The following HELZ variants were observed in gnomAD, a reference collection of about 807,000 sequenced individuals.
HELZ encodes helicase with zinc finger, also known as ATP-dependent RNA helicase with zinc finger domain.
Under a neutral mutation model 218.2 loss-of-function variants are expected in HELZ, and 23 were observed. The ratio of observed to expected loss-of-function variants is 0.11; its 90% CI spans 0.08 to 0.15. HELZ has a LOEUF of 0.15. Ranked by LOEUF, HELZ falls within the 10% of genes least tolerant of loss-of-function variation. The probability of loss-of-function intolerance (pLI) is 1.00; values close to 1 mark genes in which losing one functional copy is unlikely to be tolerated. For synonymous variants in HELZ, 814 were observed against 829.4 expected, an observed-to-expected ratio of 0.98 and a Z score of 0.32; for missense variants, 1,813 against 2,353.7, an observed-to-expected ratio of 0.77 and a Z score of 4.75.
intron 3 of HELZ, among the ~76,000 whole-genome samples, 173 bp from the exon 4 acceptor site, chr17:67,218,995 T>C (rs996224068): frequency 2.0e-5 from 3 of 152,234 alleles, no homozygotes; most frequent in Non-Finnish European, 2.9e-5. Flanking sequence ...TATACTTCTC[T>C]TTGATATTTT....
At chr17:67,113,539 C>T (rs750954931) in intron 28 of HELZ, among the ~76,000 whole-genome samples, 1 of 152,138 alleles carries the variant, frequency 6.6e-6, no homozygotes, top group Non-Finnish European at 1.5e-5. Context: ...GGATTACAGG[C>T]GTGAGCAACC....
At chr17:67,207,700 A>G (rs924834520) in intron 5 of HELZ, among the ~76,000 whole-genome samples, 2 of 152,198 alleles carry the variant, frequency 1.3e-5, no homozygotes, top group Non-Finnish European at 1.5e-5. Context: ...TCATGCTCTC[A>G]GAACTAACAA....
intron 1 of HELZ, chr17:67,244,515 GAA>G (rs1376394075): frequency 9.9e-6 from 8 of 805,448 alleles, no homozygotes; most frequent in Non-Finnish European, 1.1e-5. Flanking sequence ...GAATCTCCAG[GAA>G]AAGAGAGCCT....
At chr17:67,101,155 G>C (rs1439318840) in intron 31 of HELZ, among the ~76,000 whole-genome samples, 2 of 151,348 alleles carry the variant, frequency 1.3e-5, no homozygotes, top group East Asian at 3.9e-4. Context: ...GAGAAAAAGG[G>C]AGGGAGGAAA....
intron 23 of HELZ, 36 bp from the exon 24 acceptor site, chr17:67,128,891 A>T (rs2037887145): frequency 7.1e-7 from 1 of 1,416,086 alleles, no homozygotes; most frequent in Non-Finnish European, 1.0e-6. Flanking sequence ...ATTACAATTC[A>T]ATGGATGAGA....
rs534694598 is a variant in HELZ at position 67,096,266 on chromosome 17, A to G, written c.5242-9185T>C. ...GTTCCATTTATAGAGCACAGGCAGC[A>G]TGGATTCAGCATCATTCTTCAAAGC... On this transcript the variant is annotated intron_variant, in intron 31 of 32. Transcript: ENST00000358691. Among the ~76,000 whole-genome samples the G allele has an allele frequency of 4.6e-5, 7 of 152,292 alleles. No homozygotes were observed. The South Asian group carries it at 1.2e-3, about 27-fold the overall frequency.
At chr17:67,098,567 T>A (rs2036822038) in intron 31 of HELZ, among the ~76,000 whole-genome samples, 1 of 147,576 alleles carries the variant, frequency 6.8e-6, no homozygotes, top group South Asian at 2.2e-4. Context: ...AAATCCCGTC[T>A]CTACTAAAAA....
intron 15 of HELZ, among the ~76,000 whole-genome samples, chr17:67,165,937 G>GT (rs2039129670): frequency 2.0e-5 from 3 of 152,168 alleles, no homozygotes; most frequent in Non-Finnish European, 4.4e-5. Context: ...TTCGAGACCA[G>GT]CATGGACAAG....
Position 67,076,632 on chromosome 17 carries a change from T to TTTA in HELZ, c.*1619_*1620insTAA, listed in dbSNP as rs2036025681. 6.6e-6 allele frequency: 1 copy of TTTA among 152,236 alleles called. No homozygotes were observed. The highest frequency in any genetic ancestry group is 1.5e-5 in the Non-Finnish European group (1 of 68,042). The allele number at this position is 152,236 out of a possible 1,614,324, so 9.4% of individuals were successfully genotyped here. A position where few individuals can be genotyped will look rare whatever the true frequency, so the allele number is the denominator to read the frequency against. On this transcript the variant is annotated 3_prime_UTR_variant, in exon 33 of 33. Coordinates refer to ENST00000358691, the MANE Select transcript of HELZ (RefSeq NM_014877.4). ...CCAAAGGCACTCTTTTATCCCAAACTGTCTGAGGATTAAAAGGGGTTGTAG... is the reference window on the plus strand; with the variant it reads ...CCAAAGGCACTCTTTTATCCCAAACTTTAGTCTGAGGATTAAAAGGGGTTGTAG...
At chr17:67,224,741 C>G in intron 3 of HELZ, 2 of 1,130,740 alleles carry the variant, frequency 1.8e-6, no homozygotes, top group Admixed American at 3.5e-5. Flanking sequence ...GTGAACGTTG[C>G]TAAAACCCGC....
intron 28 of HELZ, among the ~76,000 whole-genome samples, chr17:67,112,719 G>T (rs1567810787): frequency 6.6e-6 from 1 of 152,214 alleles, no homozygotes; most frequent in Non-Finnish European, 1.5e-5. Context: ...TAAAATTATG[G>T]ATTGCACTGG....
chr17:67,175,886 T>A (rs2039441306), intron 13 of HELZ, among the ~76,000 whole-genome samples: 1 of 152,208 alleles, frequency 6.6e-6, no homozygotes, highest in South Asian at 2.1e-4. Flanking sequence ...ATTTTGTAAA[T>A]ATCCCTATTT....
At chr17:67,213,024 C>T (rs1372425163) in intron 5 of HELZ, among the ~76,000 whole-genome samples, 1 of 152,140 alleles carries the variant, frequency 6.6e-6, no homozygotes, top group Non-Finnish European at 1.5e-5. Context: ...TTTTAAAATG[C>T]TAAGTAAAAC....
At position 67,112,477 on chromosome 17, in the gene HELZ, G is replaced by A. The variant is rs534355307; in HGVS notation, c.3918+1847C>T. 4.6e-5 allele frequency among the ~76,000 whole-genome samples: 7 copies of A among 152,242 alleles called. No individual in the cohort carries two copies. The South Asian group carries it at 6.2e-4, about 14-fold the overall frequency. ...TCTCTCTGCACCACTTCCCAAACAC[G>A]TACCACTTCAGCTTTCACTGCAGCC... is the stretch of plus-strand genomic sequence containing the variant. On this transcript the variant is annotated intron_variant, in intron 28 of 32. Coordinates refer to ENST00000358691, the MANE Select transcript of HELZ (RefSeq NM_014877.4).
intron 3 of HELZ, among the ~76,000 whole-genome samples, chr17:67,222,445 G>C (rs565702086): frequency 5.4e-4 from 83 of 152,298 alleles, no homozygotes; most frequent in Middle Eastern, 3.4e-3. Context: ...TGTAAGTAGA[G>C]ATTAAGCGCA....
intron 5 of HELZ, among the ~76,000 whole-genome samples, chr17:67,207,741 G>T (rs775955762): frequency 3.3e-5 from 5 of 152,098 alleles, no homozygotes; most frequent in Non-Finnish European, 7.3e-5. Flanking sequence ...TGAAAATAAA[G>T]GCCGAGCCTA....
At chr17:67,157,300 G>A (rs1255165078) in intron 17 of HELZ, among the ~76,000 whole-genome samples, 1 of 152,056 alleles carries the variant, frequency 6.6e-6, no homozygotes, top group Admixed American at 6.6e-5. Flanking sequence ...TCAAAGAGGG[G>A]GGAAAAAAAG....
Position 67,077,499 on chromosome 17 carries a change from C to T in HELZ, c.*753G>A, listed in dbSNP as rs1192257611. ...TTCTTGATTTGTTTAAAAAAAAAAA[C>T]ACACACTATCAAATTAACATTAAAA... On this transcript the variant is annotated 3_prime_UTR_variant, in exon 33 of 33. Transcript: ENST00000358691. 4 of 149,820 alleles carry T rather than the reference C, an allele frequency of 2.7e-5. No homozygotes were observed. The highest frequency in any genetic ancestry group is 5.9e-5 in the Non-Finnish European group (4 of 67,340). 9.3% of individuals were successfully genotyped at this position (149,820 alleles called of 1,614,324 possible). A position where few individuals can be genotyped will look rare whatever the true frequency, so the allele number is the denominator to read the frequency against.
intron 2 of HELZ, among the ~76,000 whole-genome samples, chr17:67,242,033 A>C (rs1176816702): frequency 2.0e-5 from 3 of 152,250 alleles, no homozygotes; most frequent in Non-Finnish European, 1.5e-5. Context: ...CCTACTTCTA[A>C]GTATTCCATT....
Sources: gnomAD v4.1 joint callset for allele counts (sites outside exome capture counted in the v4.1 genomes callset) on GRCh38, gnomAD v4.1.1 for gene constraint, MANE v1.5 for transcripts, NCBI Gene and HGNC (gene_info 2026-07-23, HGNC 2026-07-21) for gene names.